The following RBPJ variants were observed in gnomAD, a reference collection of about 807,000 sequenced individuals.
RBPJ encodes recombining binding protein suppressor of hairless.
A neutral mutation model predicts 67.8 loss-of-function variants in RBPJ; 9 were observed. The observed-to-expected ratio is 0.13, with a 90% confidence interval of 0.08 to 0.23. RBPJ has a LOEUF of 0.23. Among genes scored for constraint, RBPJ ranks in the 10% least tolerant of loss-of-function variants. The pLI is 1.00. For missense variants in RBPJ, 305 were observed against 595.6 expected (o/e 0.51, Z 5.08); for synonymous variants, 198 against 203.3 (o/e 0.97, Z 0.22).
chr4:26,370,667 A>C (rs761986646), intron 1 of RBPJ, among the ~76,000 whole-genome samples: 1 of 152,236 alleles, frequency 6.6e-6, no homozygotes, highest in Non-Finnish European at 1.5e-5. Flanking sequence ...TGGAGCAAGT[A>C]ATAACAGTAA....
chr4:26,284,453 A>T (rs986860916), intron 1 of RBPJ, among the ~76,000 whole-genome samples: 1 of 151,912 alleles, frequency 6.6e-6, no homozygotes, highest in African/African-American at 2.4e-5. Context: ...GTCCATATGA[A>T]CTCTATTTTA....
upstream of RBPJ, among the ~76,000 whole-genome samples, chr4:26,315,167 A>AAATATATATAT (rs1325689348): frequency 6.7e-5 from 5 of 74,764 alleles, no homozygotes; most frequent in African/African-American, 1.3e-4. Flanking sequence ...AAAAAAAAAA[A>AAATATATATAT]ATATATATAT....
chr4:26,194,012 T>C (rs1717664367), intron 1 of RBPJ, among the ~76,000 whole-genome samples: 1 of 152,200 alleles, frequency 6.6e-6, no homozygotes, highest in African/African-American at 2.4e-5. Flanking sequence ...CTCTCTTCCT[T>C]CAGGCTAATT....
At chr4:26,222,494 C>CA (rs35321984) in intron 1 of RBPJ, among the ~76,000 whole-genome samples, 2,936 of 58,448 alleles carry the variant, frequency 0.05, 126 homozygotes, top group African/African-American at 0.11. Context: ...AACTCAATCT[C>CA]AAAAAAAAAA....
At chr4:26,344,446 A>G (rs1252820557) in intron 1 of RBPJ, among the ~76,000 whole-genome samples, 1 of 151,262 alleles carries the variant, frequency 6.6e-6, no homozygotes, top group Non-Finnish European at 1.5e-5. Context: ...CATGTTGGCC[A>G]GGATGGTCTG....
chr4:26,431,275 TG>T lies in RBPJ; in HGVS notation c.*270del. 3.0e-6 allele frequency: 1 copy of T among 337,546 alleles called. No homozygotes were observed. Among genetic ancestry groups the T allele is most frequent in the Non-Finnish European group, 5.4e-6 (1 of 186,550 alleles). 20.9% of individuals were successfully genotyped at this position (337,546 alleles called of 1,614,324 possible). A position where few individuals can be genotyped will look rare whatever the true frequency, so the allele number is the denominator to read the frequency against. The stretch of plus-strand genomic sequence containing the variant: ...TTTTTCAGCTGTTTTGTTGGTTGGT[TG>T]GTTGGTTTTTGTTTGGTTTTGTTTA... On this transcript the variant is annotated 3_prime_UTR_variant, in exon 11 of 11. Coordinates refer to ENST00000355476, the MANE Select transcript of RBPJ (RefSeq NM_015874.6).
chr4:26,369,684 T>C (rs1290069139), intron 1 of RBPJ, among the ~76,000 whole-genome samples: 4 of 152,198 alleles, frequency 2.6e-5, no homozygotes, highest in Non-Finnish European at 5.9e-5. Flanking sequence ...CTGACCAGAT[T>C]TGGTTTGTTA....
chr4:26,122,915 G>A, the RBPJ span, among the ~76,000 whole-genome samples: 1 of 152,160 alleles, frequency 6.6e-6, no homozygotes, highest in Non-Finnish European at 1.5e-5. Flanking sequence ...GGCCAGATTT[G>A]GCCATAGTCG....
intron 1 of RBPJ, among the ~76,000 whole-genome samples, chr4:26,295,251 T>TGTGTGTGTGTGG: frequency 6.6e-6 from 1 of 151,606 alleles, no homozygotes; most frequent in Admixed American, 6.6e-5. Context: ...CATCAGTGTG[T>TGTGTGTGTGTGG]GTGTGTGTGT....
intron 1 of RBPJ, among the ~76,000 whole-genome samples, chr4:26,218,359 G>T (rs746251116): frequency 6.6e-6 from 1 of 152,142 alleles, no homozygotes; most frequent in Non-Finnish European, 1.5e-5. Flanking sequence ...AACCGTGGCC[G>T]CCTGAGGAAA....
upstream of RBPJ, among the ~76,000 whole-genome samples, chr4:26,317,051 G>A (rs986939887): frequency 6.6e-6 from 1 of 151,470 alleles, no homozygotes; most frequent in Non-Finnish European, 1.5e-5. Flanking sequence ...TGTTCCAGCA[G>A]CTAAGGCTTG....
intron 1 of RBPJ, among the ~76,000 whole-genome samples, chr4:26,210,180 A>G (rs890039270): frequency 2.0e-5 from 3 of 152,202 alleles, no homozygotes; most frequent in African/African-American, 7.2e-5. Context: ...GGGATAAAAG[A>G]TAACTCTCAA....
intron 1 of RBPJ, among the ~76,000 whole-genome samples, chr4:26,328,644 T>C (rs909570016): frequency 1.3e-5 from 2 of 152,178 alleles, no homozygotes; most frequent in Non-Finnish European, 2.9e-5. Context: ...TGGTGTTTTT[T>C]AGAGACAGTC....
chr4:26,337,422 T>C (rs749925016), intron 1 of RBPJ, among the ~76,000 whole-genome samples: 2 of 152,190 alleles, frequency 1.3e-5, no homozygotes, highest in African/African-American at 4.8e-5. Context: ...AGCAGCATAT[T>C]GTTCTTCTTG....
intron 1 of RBPJ, among the ~76,000 whole-genome samples, chr4:26,174,078 T>C (rs57414675): frequency 0.013 from 2,017 of 152,314 alleles, 54 homozygotes; most frequent in African/African-American, 0.046. Flanking sequence ...CTGAATGAAT[T>C]CATTCTTCAA....
intron 1 of RBPJ, among the ~76,000 whole-genome samples, chr4:26,203,002 G>A (rs56150188): frequency 0.16 from 17,607 of 108,204 alleles, 1,322 homozygotes; most frequent in South Asian, 0.24. Flanking sequence ...AGGAAGGAAG[G>A]AAGGAAAAAA....
chr4:26,357,979 C>T (rs1479277285), intron 1 of RBPJ, among the ~76,000 whole-genome samples: 1 of 150,524 alleles, frequency 6.6e-6, no homozygotes, highest in East Asian at 2.0e-4. Flanking sequence ...ACTTGGGTTA[C>T]TTATGCTCGG....
At chr4:26,319,832 A>G (rs1379232160), upstream of RBPJ, 22 of 1,579,704 alleles carry the variant, frequency 1.4e-5, no homozygotes, top group Non-Finnish European at 1.9e-5. Flanking sequence ...GCAGTGCTGG[A>G]TCTGGGAATC....
chr4:26,218,297 C>A (rs957811020), intron 1 of RBPJ, among the ~76,000 whole-genome samples: 1 of 152,108 alleles, frequency 6.6e-6, no homozygotes, highest in African/African-American at 2.4e-5. Flanking sequence ...AGTGATGTAA[C>A]CAAGAGAACC....
Sources: allele counts gnomAD v4.1 joint callset (sites outside exome capture counted in the v4.1 genomes callset), GRCh38; gene constraint gnomAD v4.1.1; transcripts MANE v1.5; gene names NCBI Gene and HGNC (gene_info 2026-07-23, HGNC 2026-07-21).